The following ZSWIM3 variants were observed in gnomAD, a reference collection of about 807,000 sequenced individuals.
ZSWIM3 encodes zinc finger SWIM-type containing 3, also known as zinc finger SWIM domain-containing protein 3.
ZSWIM3 carries 27 observed loss-of-function variants against 47.5 expected under a neutral mutation model. The ratio of observed to expected loss-of-function variants is 0.57; its 90% confidence interval spans 0.42 to 0.78. ZSWIM3 has a LOEUF of 0.78. Among genes scored for constraint, ZSWIM3 ranks in the 30% least tolerant of loss-of-function variants. The pLI, the probability that ZSWIM3 is intolerant of heterozygous loss-of-function variation, is 0.00. For synonymous variants in ZSWIM3, 333 were observed against 333.9 expected (o/e 1.00, Z 0.03); for missense variants, 689 against 861.3 (o/e 0.80, Z 2.50).
chr20:45,862,228 AC>A, intron 1 of ZSWIM3, among the ~76,000 whole-genome samples: 1 of 149,916 alleles, frequency 6.7e-6, no homozygotes, highest in East Asian at 2.0e-4. Flanking sequence ...GCTCCCCGCA[AC>A]CTTTGACTCC....
intron 1 of ZSWIM3, among the ~76,000 whole-genome samples, chr20:45,870,192 A>G (rs1985942295): frequency 6.6e-6 from 1 of 150,718 alleles, no homozygotes; most frequent in East Asian, 2.0e-4. Flanking sequence ...AAATACAAAA[A>G]TTAGCCGGGC....
At chr20:45,862,647 A>G (rs1364095110) in intron 1 of ZSWIM3, among the ~76,000 whole-genome samples, 2 of 151,954 alleles carry the variant, frequency 1.3e-5, no homozygotes, top group African/African-American at 4.8e-5. Context: ...ATGCACCACC[A>G]CGCCTGGCTA....
At position 45,878,866 on chromosome 20, in the gene ZSWIM3, A is replaced by G; in HGVS notation, c.*217A>G. ...ACTTTTGGCATTCCTTGGGAGCCTC[A>G]GTTGTTGTTCAAGGCCAAAGTTATC... On this transcript the variant is annotated 3_prime_UTR_variant, in exon 2 of 2. Coordinates refer to ENST00000255152, the MANE Select transcript of ZSWIM3 (RefSeq NM_080752.4). The G allele has an allele frequency of 1.6e-6, 1 of 614,196 alleles. No homozygotes were observed. 38.0% of individuals were successfully genotyped at this position (614,196 alleles called of 1,614,324 possible). A position where few individuals can be genotyped will look rare whatever the true frequency, so the allele number is the denominator to read the frequency against.
At chr20:45,862,486 T>C (rs6104372) in intron 1 of ZSWIM3, among the ~76,000 whole-genome samples, 78,035 of 151,484 alleles carry the variant, frequency 0.52, 20,679 homozygotes, top group Admixed American at 0.6. Context: ...TTTTTATTTA[T>C]TTACTTACTT....
intron 1 of ZSWIM3, chr20:45,872,822 A>G: frequency 3.1e-6 from 4 of 1,285,208 alleles, no homozygotes; most frequent in Non-Finnish European, 4.1e-6. Flanking sequence ...TGTGCACACA[A>G]TAGGTACAGA....
chr20:45,877,195 C>T lies in ZSWIM3; in HGVS notation c.637C>T (p.Leu213=), dbSNP rs1313005165. The T allele has an allele frequency of 2.5e-6, 4 of 1,614,026 alleles. No homozygotes were observed. Among genetic ancestry groups the T allele is most frequent in the Non-Finnish European group, 3.4e-6 (4 of 1,180,040 alleles). The change falls in exon 2 of 2, where the codon CTG becomes TTG. Residue 213 remains leucine (L), a synonymous_variant. Coordinates refer to ENST00000255152, the MANE Select transcript of ZSWIM3 (RefSeq NM_080752.4). The part of the protein sequence containing the change: ...LSFQSSKMTD[L]FIRFPENLLL... Reference sequence around the variant, plus strand: ...CTTCCAGAGCAGTAAGATGACCGACCTGTTCATCCGCTTCCCAGAGAATCT... The same window carrying T: ...CTTCCAGAGCAGTAAGATGACCGACTTGTTCATCCGCTTCCCAGAGAATCT...
Position 45,877,944 on chromosome 20 carries a change from G to C in ZSWIM3, c.1386G>C (p.Glu462Asp). Residue 462 changes from glutamate to aspartate, a missense_variant, in exon 2 of 2, where the codon GAG (glutamate) becomes GAC (aspartate). Physicochemically the swap from Glu to Asp is conservative, Grantham distance 45. Coordinates refer to ENST00000255152, the MANE Select transcript of ZSWIM3 (RefSeq NM_080752.4). ...AGAAGGCTTTTGGAATCTGTGGAGAGAGCCTTACCAGCCTCCCTGCAGAAG... is the reference window on the plus strand; with the variant it reads ...AGAAGGCTTTTGGAATCTGTGGAGACAGCCTTACCAGCCTCCCTGCAGAAG... ...KSKKAFGICG[E>D]SLTSLPAEET... 1 of 1,614,186 alleles carries C rather than the reference G, an allele frequency of 6.2e-7. No individual in the cohort carries two copies.
intron 1 of ZSWIM3, among the ~76,000 whole-genome samples, chr20:45,860,589 G>A (rs971379082): frequency 3.3e-5 from 5 of 151,254 alleles, no homozygotes; most frequent in African/African-American, 1.2e-4. Flanking sequence ...CACACCTTGG[G>A]TCATGGCCCC....
At chr20:45,864,880 A>G (rs1237564665) in intron 1 of ZSWIM3, among the ~76,000 whole-genome samples, 1 of 151,860 alleles carries the variant, frequency 6.6e-6, no homozygotes, top group East Asian at 1.9e-4. Context: ...TTTGAAAATA[A>G]TGGTGCAGGG....
chr20:45,877,020 G>C lies in ZSWIM3; in HGVS notation c.462G>C (p.Lys154Asn). 6.2e-7 allele frequency: 1 copy of C among 1,614,166 alleles called. No homozygotes were observed. The highest frequency in any genetic ancestry group is 1.7e-5 in the Admixed American group (1 of 60,018). ...SLVEPSFCLDKVQVSSKPEQE... is the reference protein window; with the variant it reads ...SLVEPSFCLDNVQVSSKPEQE... ...TTGAGCCATCGTTTTGCCTAGATAA[G>C]GTACAAGTGTCCTCAAAGCCAGAGC... Residue 154 changes from lysine to asparagine, a missense_variant, in exon 2 of 2, where the codon AAG becomes AAC. Transcript: ENST00000255152.
In ZSWIM3 at chr20:45,878,525, C is replaced by G. The variant is rs1239943346; in HGVS notation, c.1967C>G (p.Ser656Cys). The G allele has an allele frequency of 6.2e-7, 1 of 1,614,240 alleles. No individual in the cohort carries two copies. Among genetic ancestry groups the G allele is most frequent in the Non-Finnish European group, 8.5e-7 (1 of 1,180,046 alleles). Residue 656 changes from serine to cysteine, a missense_variant, in exon 2 of 2, where the codon TCC becomes TGC. By Grantham distance (112) the Ser-to-Cys change is moderately radical (BLOSUM62 -1). Coordinates refer to ENST00000255152, the MANE Select transcript of ZSWIM3 (RefSeq NM_080752.4). Reference sequence around the variant, plus strand: ...ATTGTGGATATCTGGGCTGGCCCCTCCCAGCCATCTGAGCTCTTTCAGCAG... The same window carrying G: ...ATTGTGGATATCTGGGCTGGCCCCTGCCAGCCATCTGAGCTCTTTCAGCAG... ...RKIVDIWAGP[S>C]QPSELFQQPG...
At chr20:45,862,762 G>A (rs951495001) in intron 1 of ZSWIM3, among the ~76,000 whole-genome samples, 4 of 152,222 alleles carry the variant, frequency 2.6e-5, no homozygotes, top group Non-Finnish European at 4.4e-5. Context: ...AAAGGGCTGC[G>A]ATTACAGCTG....
intron 1 of ZSWIM3, chr20:45,872,838 TCAGCCCCAAACCCCTC>T: frequency 7.8e-7 from 1 of 1,274,706 alleles, no homozygotes; most frequent in South Asian, 1.3e-5. Context: ...ACAGACACTC[TCAGCCCCAAACCCCTC>T]CAGCCTGTTA....
chr20:45,857,620 T>A lies in ZSWIM3; in HGVS notation c.-206T>A. 1.5e-6 allele frequency: 1 copy of A among 681,296 alleles called. No individual in the cohort carries two copies. The highest frequency in any genetic ancestry group is 2.5e-6 in the Non-Finnish European group (1 of 398,948). The allele number at this position is 681,296 out of a possible 1,614,324, so 42.2% of individuals were successfully genotyped here. On this transcript the variant is annotated 5_prime_UTR_variant, in exon 1 of 2. Transcript: ENST00000255152. ...ACTGAGTGTCATTTCCCCTGTCAGATAGCAAATACACCCCCTTCCTCTTGT... is the reference window on the plus strand; with the variant it reads ...ACTGAGTGTCATTTCCCCTGTCAGAAAGCAAATACACCCCCTTCCTCTTGT...
Position 45,857,821 on chromosome 20 carries a change from C to T in ZSWIM3, c.-5C>T, listed in dbSNP as rs369377531. 7 of 1,613,132 alleles carry T rather than the reference C, an allele frequency of 4.3e-6. No homozygotes were observed. Among genetic ancestry groups the T allele is most frequent in the Non-Finnish European group, 5.1e-6 (6 of 1,179,410 alleles). On this transcript the variant is annotated 5_prime_UTR_variant, in exon 1 of 2. Coordinates refer to ENST00000255152, the MANE Select transcript of ZSWIM3 (RefSeq NM_080752.4). The stretch of plus-strand genomic sequence containing the variant: ...CAGCCCCTAGTGTGGGTTGTGGGGG[C>T]GGCCATGGAGCTGGGCAGCTGCTTC...
At chr20:45,867,709 T>A (rs1382178153) in intron 1 of ZSWIM3, among the ~76,000 whole-genome samples, 1 of 152,180 alleles carries the variant, frequency 6.6e-6, no homozygotes, top group African/African-American at 2.4e-5. Context: ...TTATGCCCAG[T>A]TTCCCCTCTC....
At chr20:45,864,336 T>A (rs138094585) in intron 1 of ZSWIM3, among the ~76,000 whole-genome samples, 1 of 152,300 alleles carries the variant, frequency 6.6e-6, no homozygotes, top group African/African-American at 2.4e-5. Flanking sequence ...GATCATTTAT[T>A]GCAAACTGGC....
At chr20:45,875,704 T>C (rs1692892476) in intron 1 of ZSWIM3, among the ~76,000 whole-genome samples, 2 of 149,808 alleles carry the variant, frequency 1.3e-5, no homozygotes, top group African/African-American at 4.9e-5. Context: ...GGTTTCACTA[T>C]GTTGGCCAGG....
At chr20:45,869,366 A>T (rs902836546) in intron 1 of ZSWIM3, among the ~76,000 whole-genome samples, 1 of 151,734 alleles carries the variant, frequency 6.6e-6, no homozygotes, top group Non-Finnish European at 1.5e-5. Context: ...AAAAATACAA[A>T]AAATTAGCCA....
Sources: gnomAD v4.1 joint callset for allele counts (sites outside exome capture counted in the v4.1 genomes callset) on GRCh38, gnomAD v4.1.1 for gene constraint, MANE v1.5 for transcripts, NCBI Gene and HGNC (gene_info 2026-07-23, HGNC 2026-07-21) for gene names.